Variants in RTN1 observed in about 807,000 individuals in gnomAD.
RTN1 encodes reticulon-1.
A neutral mutation model predicts 65.5 loss-of-function variants in RTN1; 25 were observed. The ratio of observed to expected loss-of-function variants is 0.38; its 90% CI spans 0.28 to 0.53. RTN1 has a LOEUF of 0.53. Among genes scored for constraint, RTN1 ranks in the 20% least tolerant of loss-of-function variants. The probability of loss-of-function intolerance (pLI) is 0.79; values close to 1 mark genes in which losing one functional copy is unlikely to be tolerated. For synonymous variants in RTN1, 471 were observed against 447.6 expected (o/e 1.05, Z -0.66); for missense variants, 983 against 1,025.4 (o/e 0.96, Z 0.57).
At position 59,727,195 on chromosome 14, in the gene RTN1, C is replaced by T. The variant is rs1884786103; in HGVS notation, c.1489G>A (p.Ala497Thr). The T allele has an allele frequency of 6.3e-7, 1 of 1,583,326 alleles. No individual in the cohort carries two copies. Among genetic ancestry groups the T allele is most frequent in the Non-Finnish European group, 8.6e-7 (1 of 1,164,810 alleles). ...SPPMKPSALD[A>T]IREETGVRAE... is the part of the protein sequence containing the mutation. Reference sequence around the variant, plus strand: ...CGGACGCCAGTCTCCTCCCGGATGGCATCCAGGGCGCTGGGCTTCATCGGG... The same window carrying T: ...CGGACGCCAGTCTCCTCCCGGATGGTATCCAGGGCGCTGGGCTTCATCGGG... The change falls in exon 3 of 9, where the codon GCC becomes ACC. Residue 497 changes from alanine to threonine, a missense_variant. This residue lies in a region of RTN1 where 818 missense variants were observed against 801.8 expected (regional missense o/e 1.02). Coordinates refer to ENST00000267484, the MANE Select transcript of RTN1 (RefSeq NM_021136.3). The surrounding 1 kb of genome is among the most constrained non-coding windows in gnomAD (Gnocchi z 4.2).
intron 5 of RTN1, 63 bp from the exon 6 acceptor site, chr14:59,603,984 C>A (rs931359450): frequency 1.1e-5 from 14 of 1,305,808 alleles, no homozygotes; most frequent in Admixed American, 1.7e-5. Flanking sequence ...AGTCTCATAT[C>A]ATTGACTTTT....
intron 1 of RTN1, among the ~76,000 whole-genome samples, chr14:59,828,585 C>T (rs1343837407): frequency 2.0e-5 from 3 of 152,192 alleles, no homozygotes; most frequent in African/African-American, 7.2e-5. Context: ...GAAAAATGGG[C>T]AGCCCCAAAA....
intron 3 of RTN1, among the ~76,000 whole-genome samples, chr14:59,658,420 AC>A (rs1883171183): frequency 6.6e-6 from 1 of 152,034 alleles, no homozygotes; most frequent in Non-Finnish European, 1.5e-5. Context: ...TGGGTCCCTG[AC>A]CCCTGTGTCT....
In RTN1 at chr14:59,727,309, C is replaced by T; in HGVS notation, c.1375G>A (p.Glu459Lys). 1 of 1,494,718 alleles carries T rather than the reference C, an allele frequency of 6.7e-7. No individual in the cohort carries two copies. The allele number at this position is 1,494,718 out of a possible 1,614,324, so 92.6% of individuals were successfully genotyped here. A position where few individuals can be genotyped will look rare whatever the true frequency, so the allele number is the denominator to read the frequency against. ...ATGAGCTCGCTGTCCAGCTCGGCCT[C>T]GCGCTCCTCCCTCAGGATGCTGTAC... ...IQYSILREER[E>K]AELDSELIIE... is the part of the protein sequence containing the mutation. The change falls in exon 3 of 9, where the codon GAG (glutamate) becomes AAG (lysine). Residue 459 changes from glutamate (E) to lysine (K), a missense_variant. Physicochemically the swap from Glu to Lys is moderately conservative, Grantham distance 56. Coordinates refer to ENST00000267484, the MANE Select transcript of RTN1 (RefSeq NM_021136.3). This position sits in a 1 kb window ranked among gnomAD's most constrained non-coding sequence, Gnocchi z 4.2.
chr14:59,606,767 T>C (rs1236547233), intron 4 of RTN1, among the ~76,000 whole-genome samples: 1 of 152,198 alleles, frequency 6.6e-6, no homozygotes, highest in East Asian at 1.9e-4. Flanking sequence ...TTCCCCAGTA[T>C]AAAAATGTAG....
chr14:59,688,278 C>T (rs1229076904), intron 3 of RTN1, among the ~76,000 whole-genome samples: 1 of 152,230 alleles, frequency 6.6e-6, no homozygotes, highest in Non-Finnish European at 1.5e-5. Flanking sequence ...AACACTCACT[C>T]TCCTGGATTA....
rs930089163 is a variant in RTN1 at position 59,795,884 on chromosome 14, T to C, written c.242-49403A>G. ...TCAGAAATGTAATACGTTTTGGGGATGAGGAAATGGCCAGAATTGGGCTTT... is the reference window on the plus strand; with the variant it reads ...TCAGAAATGTAATACGTTTTGGGGACGAGGAAATGGCCAGAATTGGGCTTT... On this transcript the variant is annotated intron_variant, in intron 1 of 8. Coordinates refer to ENST00000267484, the MANE Select transcript of RTN1 (RefSeq NM_021136.3). Among the ~76,000 whole-genome samples, 18 of 152,252 alleles carry C rather than the reference T, an allele frequency of 1.2e-4. 1 individual carries two copies. Among genetic ancestry groups the C allele is most frequent in the Middle Eastern group, 3.4e-3 (1 of 294 alleles).
intron 3 of RTN1, among the ~76,000 whole-genome samples, chr14:59,628,010 T>A (rs1475264816): frequency 6.6e-6 from 1 of 151,962 alleles, no homozygotes; most frequent in Non-Finnish European, 1.5e-5. Context: ...CCTGGACCTC[T>A]GCTGGTCTAT....
At chr14:59,635,684 A>T (rs12896541) in intron 3 of RTN1, among the ~76,000 whole-genome samples, 44,168 of 152,022 alleles carry the variant, frequency 0.29, 7,513 homozygotes, top group Admixed American at 0.43. Context: ...CTAAATAAAT[A>T]AATTGCATAA....
intron 3 of RTN1, among the ~76,000 whole-genome samples, chr14:59,669,723 C>A (rs1290439674): frequency 6.6e-6 from 1 of 152,138 alleles, no homozygotes; most frequent in Non-Finnish European, 1.5e-5. Context: ...GTCAAGTCAC[C>A]TATGTCTCTG....
intron 3 of RTN1, among the ~76,000 whole-genome samples, chr14:59,702,829 G>A (rs913244847): frequency 6.6e-6 from 1 of 152,192 alleles, no homozygotes; most frequent in African/African-American, 2.4e-5. Context: ...TTGCACTCCA[G>A]TGAGAGTCAT....
At chr14:59,750,087 A>ATATATAT (rs1258250308) in intron 1 of RTN1, among the ~76,000 whole-genome samples, 2 of 71,162 alleles carry the variant, frequency 2.8e-5, no homozygotes, top group African/African-American at 1.7e-4. Flanking sequence ...TATTATAGAC[A>ATATATAT]TATATATTAT....
intron 3 of RTN1, among the ~76,000 whole-genome samples, chr14:59,636,533 C>G (rs1280822796): frequency 1.3e-5 from 2 of 152,202 alleles, no homozygotes; most frequent in South Asian, 2.1e-4. Context: ...AACCCAGTCT[C>G]AGGTATTCCT....
chr14:59,630,389 C>G (rs540663951), intron 3 of RTN1: 44 of 1,610,108 alleles, frequency 2.7e-5, no homozygotes, highest in Non-Finnish European at 3.7e-5. Context: ...ATGGACGAGT[C>G]CAGGTCCCGG....
chr14:59,697,716 A>C (rs966409076), intron 3 of RTN1, among the ~76,000 whole-genome samples: 2 of 152,216 alleles, frequency 1.3e-5, no homozygotes, highest in African/African-American at 4.8e-5. Flanking sequence ...CTAGCACATT[A>C]ATAAATAAAG....
intron 2 of RTN1, among the ~76,000 whole-genome samples, chr14:59,740,115 T>A (rs1319371723): frequency 6.6e-6 from 1 of 152,070 alleles, no homozygotes; most frequent in African/African-American, 2.4e-5. Context: ...CCTTTCCCAC[T>A]CTCCCTGACC....
At chr14:59,622,415 A>G (rs1882279487) in intron 3 of RTN1, among the ~76,000 whole-genome samples, 1 of 152,250 alleles carries the variant, frequency 6.6e-6, no homozygotes, top group African/African-American at 2.4e-5. Context: ...CAGCATTTCA[A>G]CAAAAGGACT....
At chr14:59,681,053 G>A (rs1367943913) in intron 3 of RTN1, among the ~76,000 whole-genome samples, 1 of 152,000 alleles carries the variant, frequency 6.6e-6, no homozygotes, top group African/African-American at 2.4e-5. Flanking sequence ...TCTTTTATAA[G>A]TTTCTATATT....
At chr14:59,793,882 C>T (rs1886395739) in intron 1 of RTN1, among the ~76,000 whole-genome samples, 1 of 152,118 alleles carries the variant, frequency 6.6e-6, no homozygotes, top group South Asian at 2.1e-4. Context: ...CCATCCAACC[C>T]TAAGCACATT....
Sources: allele counts gnomAD v4.1 joint callset (sites outside exome capture counted in the v4.1 genomes callset), GRCh38; gene constraint gnomAD v4.1.1; regional missense constraint gnomAD v4.1.1; non-coding constraint Gnocchi (gnomAD v3.1); transcripts MANE v1.5; gene names NCBI Gene and HGNC (gene_info 2026-07-23, HGNC 2026-07-21).